Variants in POLR2H observed in about 807,000 individuals in gnomAD.
POLR2H encodes the protein DNA-directed RNA polymerases I, II, and III subunit RPABC3.
In POLR2H, 3 loss-of-function variants were observed where a neutral mutation model predicts 18.1. The observed-to-expected ratio is 0.17, with a 90% CI of 0.08 to 0.43. The LOEUF (loss-of-function observed/expected upper bound fraction) is 0.43, where lower values mean the gene tolerates loss of function less well. Among genes scored for constraint, POLR2H ranks in the 20% least tolerant of loss-of-function variants. POLR2H has a pLI of 0.99. For missense variants in POLR2H, 103 were observed against 184.6 expected, an observed-to-expected ratio of 0.56 and a Z score of 2.56; for synonymous variants, 76 against 69.0, an observed-to-expected ratio of 1.10 and a Z score of -0.50.
At position 184,363,573 on chromosome 3, in the gene POLR2H, A is replaced by G. The variant is rs1577340874; in HGVS notation, c.73+8A>G. 1 of 1,610,996 alleles carries G rather than the reference A, an allele frequency of 6.2e-7. No homozygotes were observed. The highest frequency in any genetic ancestry group is 8.5e-7 in the Non-Finnish European group (1 of 1,177,384). On this transcript the variant is annotated splice_region_variant and intron_variant, in intron 2 of 5. Coordinates refer to ENST00000456318, the MANE Select transcript of POLR2H (RefSeq NM_006232.5). ...GCAAGAAGTTTGACCGAGGTAAGTA[A>G]GGTATGTAGGGGCGGTTTGGAGGAA...
At chr3:184,365,282 G>A in intron 4 of POLR2H, 56 bp downstream of exon 4, 1 of 1,005,642 alleles carries the variant, frequency 9.9e-7, no homozygotes, top group Middle Eastern at 2.1e-4. Flanking sequence ...AAGTAGATAA[G>A]TGATATAGAA....
chr3:184,363,703 T>A, intron 2 of POLR2H, 138 bp downstream of exon 2: 1 of 639,542 alleles, frequency 1.6e-6, no homozygotes, highest in Non-Finnish European at 2.8e-6. Flanking sequence ...AGTAAACATT[T>A]TATGGATGAG....
rs1712319350 is a variant in POLR2H, at chr3:184,362,476, A to C, written c.-621+330A>C. 6.6e-6 allele frequency: 1 copy of C among 152,552 alleles called. No homozygotes were observed. The highest frequency in any genetic ancestry group is 2.1e-4 in the South Asian group (1 of 4,866). The allele number at this position is 152,552 out of a possible 1,614,324, so 9.4% of individuals were successfully genotyped here. ...AGCGAGGGCAGCGCCCAGGAAACGCACAAGTGTGCGGGAGAGCCAGCACCA... is the reference window on the plus strand; with the variant it reads ...AGCGAGGGCAGCGCCCAGGAAACGCCCAAGTGTGCGGGAGAGCCAGCACCA... On this transcript the variant is annotated intron_variant, in intron 1 of 5. Transcript: ENST00000456318. The surrounding 1 kb of genome is among the most constrained non-coding windows in gnomAD (Gnocchi z 5.9).
chr3:184,364,176 C>T (rs1313731350), intron 2 of POLR2H, among the ~76,000 whole-genome samples: 1 of 152,194 alleles, frequency 6.6e-6, no homozygotes, highest in Non-Finnish European at 1.5e-5. Flanking sequence ...GTATTGCCCT[C>T]AGAATCTTTA....
chr3:184,365,800 C>T (rs1713147245), intron 4 of POLR2H, among the ~76,000 whole-genome samples: 1 of 151,400 alleles, frequency 6.6e-6, no homozygotes, highest in South Asian at 2.1e-4. Flanking sequence ...GGTGAAACCC[C>T]GTCTCTACTA....
In POLR2H at chr3:184,363,305, G is replaced by C. The variant is rs944081835; in HGVS notation, c.-188G>C. 1 of 636,412 alleles carries C rather than the reference G, an allele frequency of 1.6e-6. No individual in the cohort carries two copies. The highest frequency in any genetic ancestry group is 2.9e-6 in the Non-Finnish European group (1 of 350,492). 39.4% of individuals were successfully genotyped at this position (636,412 alleles called of 1,614,324 possible). A position where few individuals can be genotyped will look rare whatever the true frequency, so the allele number is the denominator to read the frequency against. On this transcript the variant is annotated 5_prime_UTR_variant, in exon 2 of 6. Transcript: ENST00000456318. ...TTCGGGACGGAAGTTAAGTAGCCCC[G>C]AGCGGGAGGCTGTGGCGGAAGTGGT... is the stretch of plus-strand genomic sequence containing the variant.
chr3:184,366,054 G>C (rs1277499128), intron 4 of POLR2H, among the ~76,000 whole-genome samples: 1 of 152,064 alleles, frequency 6.6e-6, no homozygotes, highest in African/African-American at 2.4e-5. Flanking sequence ...GTGAGTTGCA[G>C]CCTTTTGAAG....
At chr3:184,365,635 C>A in intron 4 of POLR2H, 1 of 194,384 alleles carries the variant, frequency 5.1e-6, no homozygotes, top group Non-Finnish European at 1.1e-5. Context: ...TGCACCACTG[C>A]ACTCCAGCCT....
chr3:184,363,754 C>T (rs530285447), intron 2 of POLR2H, among the ~76,000 whole-genome samples, 189 bp downstream of exon 2: 2 of 152,286 alleles, frequency 1.3e-5, no homozygotes, highest in Non-Finnish European at 2.9e-5. Flanking sequence ...TCACGCATGC[C>T]GTGCCCGGTG....
Position 184,363,407 on chromosome 3 carries a change from C to G in POLR2H, c.-86C>G. 8.7e-7 allele frequency: 1 copy of G among 1,149,768 alleles called. No homozygotes were observed. 71.2% of individuals were successfully genotyped at this position (1,149,768 alleles called of 1,614,324 possible). On this transcript the variant is annotated 5_prime_UTR_variant, in exon 2 of 6. Coordinates refer to ENST00000456318, the MANE Select transcript of POLR2H (RefSeq NM_006232.5). ...TTTCAGGAGGTGCTTTTGGTTCTCTCCGGTCTTGTCCACGCTAGGGGGTGC... is the reference window on the plus strand; with the variant it reads ...TTTCAGGAGGTGCTTTTGGTTCTCTGCGGTCTTGTCCACGCTAGGGGGTGC...
In POLR2H at chr3:184,366,753, G is replaced by A. The variant is rs764641514; in HGVS notation, c.288G>A (p.Val96=). 3.7e-6 allele frequency: 6 copies of A among 1,607,984 alleles called. No homozygotes were observed. Among genetic ancestry groups the A allele is most frequent in the Admixed American group, 1.7e-5 (1 of 60,010 alleles). ...TTGAGTATGTAATGTATGGAAAAGTGTACAGGATTGAGGGAGATGAAACTT... is the reference window on the plus strand; with the variant it reads ...TTGAGTATGTAATGTATGGAAAAGTATACAGGATTGAGGGAGATGAAACTT... ...DQFEYVMYGK[V]YRIEGDETST... is the part of the protein sequence containing the mutation. The change falls in exon 5 of 6, where the codon GTG becomes GTA. Residue 96 remains valine, a synonymous_variant. Transcript: ENST00000456318.
chr3:184,366,014 G>A (rs1281658212), intron 4 of POLR2H, among the ~76,000 whole-genome samples: 1 of 151,992 alleles, frequency 6.6e-6, no homozygotes, highest in Non-Finnish European at 1.5e-5. Flanking sequence ...AAACAACCAG[G>A]TATTTATCTA....
Position 184,363,406 on chromosome 3 carries a change from T to A in POLR2H, c.-87T>A. On this transcript the variant is annotated 5_prime_UTR_variant, in exon 2 of 6. Transcript: ENST00000456318. ...CTTTCAGGAGGTGCTTTTGGTTCTC[T>A]CCGGTCTTGTCCACGCTAGGGGGTG... The A allele has an allele frequency of 8.8e-7, 1 of 1,141,656 alleles. No individual in the cohort carries two copies. The highest frequency in any genetic ancestry group is 1.3e-6 in the Non-Finnish European group (1 of 761,254). 70.7% of individuals were successfully genotyped at this position (1,141,656 alleles called of 1,614,324 possible).
Position 184,362,568 on chromosome 3 carries a change from G to A in POLR2H, c.-620-305G>A, listed in dbSNP as rs895810697. ...GCGGGAGCAGTGCCCGGGAAGGGGG[G>A]GCCTTGTGATAGAAGCCAGCACTCA... is the stretch of plus-strand genomic sequence containing the variant. On this transcript the variant is annotated intron_variant, in intron 1 of 5. Transcript: ENST00000456318. The surrounding 1 kb of genome is among the most constrained non-coding windows in gnomAD (Gnocchi z 5.9). 1.3e-5 allele frequency: 2 copies of A among 153,336 alleles called. No homozygotes were observed. The highest frequency in any genetic ancestry group is 6.5e-5 in the Admixed American group (1 of 15,282). 9.5% of individuals were successfully genotyped at this position (153,336 alleles called of 1,614,324 possible).
chr3:184,365,717 T>C (rs1713125145), intron 4 of POLR2H, among the ~76,000 whole-genome samples: 1 of 151,440 alleles, frequency 6.6e-6, no homozygotes, highest in Admixed American at 6.6e-5. Flanking sequence ...CTCACGCCTG[T>C]AATCCCAGCA....
Position 184,365,201 on chromosome 3 carries a change from A to G in POLR2H, c.226A>G (p.Asn76Asp). The G allele has an allele frequency of 1.2e-6, 2 of 1,612,196 alleles. No homozygotes were observed. Among genetic ancestry groups the G allele is most frequent in the Non-Finnish European group, 1.7e-6 (2 of 1,178,180 alleles). ...TGGTACCCTGGATGATGGTGAATAC[A>G]ACCCCACTGATGATAGGCCTTCCAG... ...EDGTLDDGEY[N>D]PTDDRPSRAD... The change falls in exon 4 of 6, where the codon AAC becomes GAC. Residue 76 changes from asparagine to aspartate, a missense_variant. Physicochemically the swap from Asn to Asp is conservative, Grantham distance 23. Transcript: ENST00000456318.
At chr3:184,365,521 A>G in intron 4 of POLR2H, 2 of 387,524 alleles carry the variant, frequency 5.2e-6, no homozygotes, top group Non-Finnish European at 9.4e-6. Context: ...GAAAAAAAAA[A>G]AAGGCTGGGC....
At chr3:184,364,855 G>A in intron 2 of POLR2H, 111 bp from the exon 3 acceptor site, 2 of 726,902 alleles carry the variant, frequency 2.8e-6, no homozygotes, top group South Asian at 3.4e-5. Flanking sequence ...GAGCAGATGA[G>A]AGACCACTGG....
chr3:184,366,545 A>G (rs940123420), intron 4 of POLR2H, 172 bp from the exon 5 acceptor site: 16 of 465,392 alleles, frequency 3.4e-5, no homozygotes, highest in African/African-American at 1.4e-4. Context: ...TCACTGTGTT[A>G]GCCAGGATGG....
Sources: allele counts gnomAD v4.1 joint callset (sites outside exome capture counted in the v4.1 genomes callset), GRCh38; gene constraint gnomAD v4.1.1; non-coding constraint Gnocchi (gnomAD v3.1); transcripts MANE v1.5; gene names NCBI Gene and HGNC (gene_info 2026-07-23, HGNC 2026-07-21).